The following APBB2 variants were observed in gnomAD, a reference collection of about 807,000 sequenced individuals.
APBB2 encodes the protein amyloid beta precursor protein binding family B member 2.
APBB2 carries 38 observed loss-of-function variants against 82.5 expected under a neutral mutation model. The observed-to-expected ratio is 0.46, with a 90% CI of 0.36 to 0.60. APBB2 has a LOEUF of 0.60. Ranked by LOEUF, APBB2 falls within the 20% of genes least tolerant of loss-of-function variation. APBB2 has a pLI of 0.00. For synonymous variants in APBB2, 341 were observed against 368.2 expected (o/e 0.93, Z 0.85); for missense variants, 772 against 972.3 (o/e 0.79, Z 2.74).
In APBB2 at chr4:40,811,853, C is replaced by T. The variant is rs369331827; in HGVS notation, c.*4239G>A. The T allele has an allele frequency of 6.6e-6, 1 of 152,202 alleles. No individual in the cohort carries two copies. Among genetic ancestry groups the T allele is most frequent in the Non-Finnish European group, 1.5e-5 (1 of 68,034 alleles). The allele number at this position is 152,202 out of a possible 1,614,324, so 9.4% of individuals were successfully genotyped here. ...CTTTAAATTCTGTTTATCTGCCTTC[C>T]TGCGCCTAACAGTTAAGCTAAACCA... On this transcript the variant is annotated 3_prime_UTR_variant, in exon 18 of 18. Coordinates refer to ENST00000508593, the MANE Select transcript of APBB2 (RefSeq NM_004307.2).
At chr4:41,072,912 A>G (rs1443872677) in intron 3 of APBB2, among the ~76,000 whole-genome samples, 1 of 152,250 alleles carries the variant, frequency 6.6e-6, no homozygotes, top group African/African-American at 2.4e-5. Context: ...TCCAAGCCTC[A>G]TCTGTAAAAT....
At chr4:40,923,967 C>T (rs1191447752) in intron 10 of APBB2, among the ~76,000 whole-genome samples, 1 of 152,140 alleles carries the variant, frequency 6.6e-6, no homozygotes, top group East Asian at 1.9e-4. Flanking sequence ...AGCTGTCCTC[C>T]GGGATAGGAG....
rs36224955 is a variant in APBB2, at chr4:41,027,364, C to CATATATATATAT, written c.19+5860_19+5871dup. Among the ~76,000 whole-genome samples the CATATATATATAT allele has an allele frequency of 1.7e-3, 214 of 127,352 alleles. 1 individual carries two copies. The highest frequency in any genetic ancestry group is 4.8e-3 in the Middle Eastern group (1 of 210). The allele number at this position is 127,352 out of a possible 152,430, so 83.5% of individuals were successfully genotyped here. A position where few individuals can be genotyped will look rare whatever the true frequency, so the allele number is the denominator to read the frequency against. On this transcript the variant is annotated intron_variant, in intron 5 of 17. Transcript: ENST00000508593. ...TTATATTTTTATAAACATATTGTTA[C>CATATATATATAT]ATATATATATATATATATATATATA... is the stretch of plus-strand genomic sequence containing the variant.
chr4:41,146,352 G>A (rs1406664461), intron 1 of APBB2, among the ~76,000 whole-genome samples: 3 of 146,590 alleles, frequency 2.0e-5, no homozygotes, highest in South Asian at 2.2e-4. Flanking sequence ...AAAAAAACCC[G>A]GGCATGATGG....
intron 12 of APBB2, among the ~76,000 whole-genome samples, chr4:40,876,553 G>A (rs1766958961): frequency 6.6e-6 from 1 of 152,102 alleles, no homozygotes. Flanking sequence ...TGTCTGCAGG[G>A]AATTAGTTCC....
Position 41,159,955 on chromosome 4 carries a change from G to A in APBB2, c.-416-16813C>T, listed in dbSNP as rs7674126. Among the ~76,000 whole-genome samples the A allele has an allele frequency of 7.2e-3, 350 of 48,644 alleles. 7 individuals carry two copies. Among genetic ancestry groups the A allele is most frequent in the Middle Eastern group, 0.037 (3 of 80 alleles). 31.9% of individuals were successfully genotyped at this position (48,644 alleles called of 152,430 possible). ...GGAGGAGGAGGAGGAGAAGGAGAAG[G>A]AGAAGGAGAAGAAGAAGAAGAAGAA... On this transcript the variant is annotated intron_variant, in intron 1 of 17. Transcript: ENST00000508593.
chr4:40,900,676 C>T (rs1221148435), intron 10 of APBB2, among the ~76,000 whole-genome samples: 2 of 151,778 alleles, frequency 1.3e-5, no homozygotes, highest in African/African-American at 2.4e-5. Context: ...AGGCTGGTCT[C>T]CAACTCCTGA....
chr4:40,980,550 C>T (rs908749835), intron 6 of APBB2, among the ~76,000 whole-genome samples: 1 of 152,190 alleles, frequency 6.6e-6, no homozygotes, highest in African/African-American at 2.4e-5. Flanking sequence ...CAATGAGTGT[C>T]CAACTTGGGT....
chr4:40,895,933 T>C (rs1413074222), intron 10 of APBB2, among the ~76,000 whole-genome samples: 1 of 152,202 alleles, frequency 6.6e-6, no homozygotes, highest in East Asian at 1.9e-4. Context: ...GATTCAAACC[T>C]GGGCAGTTTG....
intron 3 of APBB2, among the ~76,000 whole-genome samples, chr4:41,070,623 A>G (rs1733509236): frequency 1.3e-5 from 2 of 152,200 alleles, no homozygotes; most frequent in Non-Finnish European, 2.9e-5. Flanking sequence ...TATATTACGC[A>G]GCAGCACAAG....
chr4:40,913,682 C>A (rs1428907996), intron 10 of APBB2, among the ~76,000 whole-genome samples: 1 of 152,184 alleles, frequency 6.6e-6, no homozygotes, highest in Non-Finnish European at 1.5e-5. Context: ...AAGTGACATT[C>A]CCCTATCTTG....
At chr4:40,985,053 T>A (rs1020743891) in intron 6 of APBB2, among the ~76,000 whole-genome samples, 1 of 152,018 alleles carries the variant, frequency 6.6e-6, no homozygotes, top group African/African-American at 2.4e-5. Flanking sequence ...CTCAAGTAGT[T>A]AGAACTACAA....
intron 6 of APBB2, among the ~76,000 whole-genome samples, chr4:40,945,637 G>A (rs1462029140): frequency 1.3e-5 from 2 of 151,944 alleles, no homozygotes; most frequent in Admixed American, 6.6e-5. Flanking sequence ...TTTCAAGATG[G>A]AGTCTTGCTC....
intron 10 of APBB2, among the ~76,000 whole-genome samples, chr4:40,905,607 C>A (rs927461237): frequency 6.6e-6 from 1 of 152,188 alleles, no homozygotes; most frequent in African/African-American, 2.4e-5. Flanking sequence ...TTGGAGAAAG[C>A]GCACTTGCAG....
chr4:41,157,896 G>A (rs1763891381), intron 1 of APBB2, among the ~76,000 whole-genome samples: 2 of 152,134 alleles, frequency 1.3e-5, no homozygotes, highest in South Asian at 4.1e-4. Flanking sequence ...GGAGGCTAAG[G>A]CAGGAGAATC....
chr4:41,207,668 AATTAGCTC>A (rs1252047237), intron 1 of APBB2, among the ~76,000 whole-genome samples: 4 of 152,064 alleles, frequency 2.6e-5, no homozygotes, highest in Admixed American at 6.6e-5. Context: ...GCACTTTCAA[AATTAGCTC>A]ATTCACAGTT....
chr4:41,023,086 C>T (rs144718205), intron 5 of APBB2, among the ~76,000 whole-genome samples: 321 of 152,206 alleles, frequency 2.1e-3, no homozygotes, highest in Middle Eastern at 6.8e-3. Context: ...CCGTGGCTCC[C>T]GAAAGAACAA....
rs769873401 is a variant in APBB2, at chr4:40,821,955, C to G, written c.2028G>C (p.Thr676=). Residue 676 remains threonine (T), a synonymous_variant, in exon 17 of 18, where the codon ACG becomes ACC. Transcript: ENST00000508593. ...CGTGGCACTCAAAGCGCTGGTTCCC[C>G]GTGTCCATGATGAAGGCAAATGTGT... ...DVHTFAFIMD[T]GNQRFECHVF... 25 of 1,614,026 alleles carry G rather than the reference C, an allele frequency of 1.5e-5. No homozygotes were observed. The highest frequency in any genetic ancestry group is 1.0e-4 in the Admixed American group (6 of 60,004).
chr4:41,208,787 T>C (rs901333805), intron 1 of APBB2, among the ~76,000 whole-genome samples: 1 of 152,206 alleles, frequency 6.6e-6, no homozygotes, highest in African/African-American at 2.4e-5. Flanking sequence ...CTTTAATCCA[T>C]CCTTTTCTAT....
Sources: allele counts gnomAD v4.1 joint callset (sites outside exome capture counted in the v4.1 genomes callset), GRCh38; gene constraint gnomAD v4.1.1; transcripts MANE v1.5; gene names NCBI Gene and HGNC (gene_info 2026-07-23, HGNC 2026-07-21).